COG4: variants seen among roughly 807,000 people sequenced by gnomAD.
COG4 encodes component of oligomeric golgi complex 4, also known as conserved oligomeric Golgi complex subunit 4.
In COG4, 65 loss-of-function variants were observed where a neutral mutation model predicts 95.1. That is an observed-to-expected ratio of 0.68 (90% CI 0.56 to 0.84). COG4 has a LOEUF of 0.84. Among genes scored for constraint, COG4 ranks in the 40% least tolerant of loss-of-function variants. COG4 has a pLI of 0.00. For synonymous variants in COG4, 421 were observed against 374.8 expected (o/e 1.12, Z -1.42); for missense variants, 1,045 against 989.1 (o/e 1.06, Z -0.76).
intron 2 of COG4, 59 bp from the exon 3 acceptor site, chr16:70,517,799 T>TC: frequency 9.2e-7 from 1 of 1,091,810 alleles, no homozygotes; most frequent in East Asian, 2.4e-5. Context: ...GACAGAAACT[T>TC]TTTTTTGCAT....
intron 12 of COG4, among the ~76,000 whole-genome samples, chr16:70,495,510 T>G (rs1158990231): frequency 6.6e-6 from 1 of 151,716 alleles, no homozygotes; most frequent in Non-Finnish European, 1.5e-5. Flanking sequence ...TGCTACTAGA[T>G]GTTTCTTTCA....
chr16:70,514,125 G>A (rs891986227), intron 4 of COG4, among the ~76,000 whole-genome samples: 4 of 151,986 alleles, frequency 2.6e-5, no homozygotes, highest in Admixed American at 6.6e-5. Context: ...CAGGAGAATC[G>A]CTTGAACCCA....
chr16:70,497,907 C>A, intron 10 of COG4, 30 bp downstream of exon 10: 1 of 1,308,878 alleles, frequency 7.6e-7, no homozygotes, highest in Non-Finnish European at 1.1e-6. Flanking sequence ...CCGGAAGCCC[C>A]ATTTCCAAGA....
At position 70,512,289 on chromosome 16, in the gene COG4, C is replaced by T. The variant is rs1302088407; in HGVS notation, c.688G>A (p.Gly230Ser). 1.9e-6 allele frequency: 3 copies of T among 1,614,150 alleles called. No individual in the cohort carries two copies. The highest frequency in any genetic ancestry group is 2.5e-6 in the Non-Finnish European group (3 of 1,180,018). Reference protein sequence around the residue: ...ERFFKIFPLLGLHEEGLRKFS... With the variant: ...ERFFKIFPLLSLHEEGLRKFS... Reference sequence around the variant, plus strand: ...TTTCTTAATCCCTCCTCATGCAAACCCAGCAGTGGGAAGATCTTGAAGAAG... The same window carrying T: ...TTTCTTAATCCCTCCTCATGCAAACTCAGCAGTGGGAAGATCTTGAAGAAG... Residue 230 changes from glycine to serine, a missense_variant, in exon 5 of 19, where the codon GGT becomes AGT. By Grantham distance (56) the Gly-to-Ser change is moderately conservative. Coordinates refer to ENST00000323786, the MANE Select transcript of COG4 (RefSeq NM_015386.3).
chr16:70,486,337 C>T (rs987133941), intron 13 of COG4, among the ~76,000 whole-genome samples: 4 of 152,116 alleles, frequency 2.6e-5, no homozygotes, highest in African/African-American at 9.7e-5. Context: ...TGTTTTGGCT[C>T]CAGAGGGGAA....
chr16:70,498,087 T>C (rs755734773), intron 9 of COG4, 32 bp from the exon 10 acceptor site: 3 of 1,442,238 alleles, frequency 2.1e-6, no homozygotes, highest in Middle Eastern at 3.5e-4. Context: ...AATACTCATT[T>C]TTTTTCCCCA....
At position 70,497,930 on chromosome 16, in the gene COG4, G is replaced by A. The variant is rs1458736305; in HGVS notation, c.1314+7C>T. ...CCCATTTCCAAGAGATGCGTCCTAT[G>A]TCCTACCTTATTGACAGTCTCCCTC... On this transcript the variant is annotated splice_region_variant and intron_variant, in intron 10 of 18. Transcript: ENST00000323786. 1.3e-6 allele frequency: 2 copies of A among 1,507,206 alleles called. No individual in the cohort carries two copies. The highest frequency in any genetic ancestry group is 4.5e-5 in the East Asian group (2 of 44,352). 93.4% of individuals were successfully genotyped at this position (1,507,206 alleles called of 1,614,324 possible). A position where few individuals can be genotyped will look rare whatever the true frequency, so the allele number is the denominator to read the frequency against.
intron 6 of COG4, 91 bp downstream of exon 6, chr16:70,509,825 A>C: frequency 1.1e-6 from 1 of 924,114 alleles, no homozygotes; most frequent in Non-Finnish European, 1.8e-6. Context: ...GATTAAATTA[A>C]AGTCATCAGG....
intron 12 of COG4, among the ~76,000 whole-genome samples, chr16:70,491,196 G>A (rs542840218): frequency 2.0e-5 from 3 of 152,168 alleles, no homozygotes; most frequent in East Asian, 1.9e-4. Context: ...CCCAGTGCAC[G>A]GGAGGAAATG....
chr16:70,523,215 G>A, intron 1 of COG4, 158 bp downstream of exon 1: 1 of 827,386 alleles, frequency 1.2e-6, no homozygotes. Flanking sequence ...GAAAAGAGTT[G>A]ACAGGACTAC....
At position 70,481,490 on chromosome 16, in the gene COG4, G is replaced by T; in HGVS notation, c.2107-3C>A. On this transcript the variant is annotated splice_polypyrimidine_tract_variant and splice_region_variant and intron_variant, in intron 17 of 18. Coordinates refer to ENST00000323786, the MANE Select transcript of COG4 (RefSeq NM_015386.3). ...TTGTCAAACTGCAGACCACCCAGCT[G>T]CAGGAGAACCCAAGCCCAGTCACTA... 1 of 1,611,456 alleles carries T rather than the reference G, an allele frequency of 6.2e-7. No homozygotes were observed.
chr16:70,486,812 T>C (rs2151742397), intron 13 of COG4, among the ~76,000 whole-genome samples: 1 of 150,698 alleles, frequency 6.6e-6, no homozygotes, highest in East Asian at 2.0e-4. Context: ...CTGGCCAAAA[T>C]GGTGAAACCC....
chr16:70,482,817 C>T lies in COG4; in HGVS notation c.1832G>A (p.Gly611Glu), dbSNP rs778353418. Reference sequence around the variant, plus strand: ...GGCTGTGCTGTTGAGCTCCGTCAGCCCTTCCTGCACAAGGACAAGGTGGAG... The same window carrying T: ...GGCTGTGCTGTTGAGCTCCGTCAGCTCTTCCTGCACAAGGACAAGGTGGAG... ...SNKFRDLLQE[G>E]LTELNSTAIK... Residue 611 changes from glycine to glutamate, a missense_variant, in exon 15 of 19, where the codon GGG (glycine) becomes GAG (glutamate). By Grantham distance (98) the Gly-to-Glu change is moderately conservative (BLOSUM62 -2). Transcript: ENST00000323786. 17 of 1,613,386 alleles carry T rather than the reference C, an allele frequency of 1.1e-5. No individual in the cohort carries two copies. The highest frequency in any genetic ancestry group is 1.4e-5 in the Non-Finnish European group (17 of 1,179,602).
At position 70,483,820 on chromosome 16, in the gene COG4, A is replaced by G. The variant is rs557176935; in HGVS notation, c.1827+33T>C. 2.0e-6 allele frequency: 3 copies of G among 1,472,674 alleles called. No individual in the cohort carries two copies. In the African/African-American group the frequency reaches 4.2e-5, roughly 20 times the overall value. 91.2% of individuals were successfully genotyped at this position (1,472,674 alleles called of 1,614,324 possible). ...TCTTCTCAGAGCAACACACAGGCAC[A>G]GGATTCAGTCAGCAGTTGAACCTGG... On this transcript the variant is annotated intron_variant, in intron 14 of 18. Transcript: ENST00000323786.
intron 2 of COG4, among the ~76,000 whole-genome samples, chr16:70,518,751 C>T (rs1433325159): frequency 2.0e-5 from 3 of 151,954 alleles, no homozygotes; most frequent in South Asian, 2.1e-4. Flanking sequence ...GCCAGGCGGG[C>T]GGATCACTTG....
At chr16:70,512,010 A>G (rs1047015599) in intron 5 of COG4, among the ~76,000 whole-genome samples, 4 of 147,834 alleles carry the variant, frequency 2.7e-5, no homozygotes, top group African/African-American at 5.4e-5. Context: ...GTCTGTTGGA[A>G]ATGAATGTGC....
intron 14 of COG4, among the ~76,000 whole-genome samples, 195 bp downstream of exon 14, chr16:70,483,658 G>A (rs767620274): frequency 3.9e-5 from 6 of 152,182 alleles, no homozygotes; most frequent in Non-Finnish European, 7.3e-5. Flanking sequence ...TGGCTTGTCA[G>A]TGTGACAACT....
rs200185482 is a variant in COG4 at position 70,512,429 on chromosome 16, C to T, written c.548G>A (p.Ser183Asn). 8 of 1,613,606 alleles carry T rather than the reference C, an allele frequency of 5.0e-6. No individual in the cohort carries two copies. The African/African-American group carries it at 9.3e-5, about 19-fold the overall frequency. Residue 183 changes from serine (S) to asparagine (N), a missense_variant, in exon 5 of 19, where the codon AGC (serine) becomes AAC (asparagine). Coordinates refer to ENST00000323786, the MANE Select transcript of COG4 (RefSeq NM_015386.3). ...CAATTTCAGGTTGGCATCAATCATG[C>T]TCCCTGCTCAACAGGGAGAAAATGA... ...IELSRQGKEG[S>N]MIDANLKLLQ...
At position 70,506,618 on chromosome 16, in the gene COG4, C is replaced by CAAAAAAAAAA. The variant is rs1212409898; in HGVS notation, c.1061+1778_1061+1787dup. Among the ~76,000 whole-genome samples, 4 of 59,910 alleles carry CAAAAAAAAAA rather than the reference C, an allele frequency of 6.7e-5. 1 individual carries two copies. Among genetic ancestry groups the CAAAAAAAAAA allele is most frequent in the Non-Finnish European group, 1.2e-4 (4 of 34,442 alleles). 39.3% of individuals were successfully genotyped at this position (59,910 alleles called of 152,430 possible). On this transcript the variant is annotated intron_variant, in intron 8 of 18. Coordinates refer to ENST00000323786, the MANE Select transcript of COG4 (RefSeq NM_015386.3). ...CAAAAAAAAAAAAAAAAAAAAAAAA[C>CAAAAAAAAAA]AAAAAAAAAAACATTTAGCTGGGAG... is the stretch of plus-strand genomic sequence containing the variant.
Sources: allele counts gnomAD v4.1 joint callset (sites outside exome capture counted in the v4.1 genomes callset), GRCh38; gene constraint gnomAD v4.1.1; transcripts MANE v1.5; gene names NCBI Gene and HGNC (gene_info 2026-07-23, HGNC 2026-07-21).